The following BRCA1 variants were observed in gnomAD, a reference collection of about 807,000 sequenced individuals.
BRCA1 encodes the protein breast cancer type 1 susceptibility protein.
A neutral mutation model predicts 173.7 loss-of-function variants in BRCA1; 140 were observed. The observed-to-expected ratio is 0.81, with a 90% CI of 0.70 to 0.93. The LOEUF is 0.93. Ranked by LOEUF, BRCA1 falls within the 40% of genes least tolerant of loss-of-function variation. The pLI, the probability that BRCA1 is intolerant of heterozygous loss-of-function variation, is 0.00. For synonymous variants in BRCA1, 662 were observed against 756.0 expected, an observed-to-expected ratio of 0.88 and a Z score of 2.04; for missense variants, 1,983 against 2,172.5, an observed-to-expected ratio of 0.91 and a Z score of 1.73.
At chr17:43,049,533 C>G (rs1024328255) in intron 20 of BRCA1, among the ~76,000 whole-genome samples, 2 of 152,154 alleles carry the variant, frequency 1.3e-5, no homozygotes, top group African/African-American at 4.8e-5. Flanking sequence ...TGAAAAAACA[C>G]CCACCTTCCT....
At chr17:43,151,184 T>A (rs560685121) in intron 1 of BRCA1, among the ~76,000 whole-genome samples, 14 of 152,366 alleles carry the variant, frequency 9.2e-5, no homozygotes, top group African/African-American at 3.4e-4. Flanking sequence ...GGTATCTATT[T>A]ACATAGCCAA....
At chr17:43,111,858 A>G (rs2055051945) in intron 3 of BRCA1, among the ~76,000 whole-genome samples, 1 of 152,092 alleles carries the variant, frequency 6.6e-6, no homozygotes, top group South Asian at 2.1e-4. Flanking sequence ...ACAAACAAAC[A>G]AAAATAAAAA....
At chr17:43,100,641 TATA>T (rs2054387349) in intron 6 of BRCA1, among the ~76,000 whole-genome samples, 2 of 64,848 alleles carry the variant, frequency 3.1e-5, no homozygotes, top group African/African-American at 1.2e-4. Flanking sequence ...GTTATATATA[TATA>T]ACATATATAT....
intron 11 of BRCA1, among the ~76,000 whole-genome samples, chr17:43,086,105 T>TACACACACACACAC (rs1385920078): frequency 2.1e-5 from 2 of 94,110 alleles, no homozygotes; most frequent in African/African-American, 1.2e-4. Flanking sequence ...TTTTATCACA[T>TACACACACACACAC]ACATACACAC....
At position 43,092,723 on chromosome 17, in the gene BRCA1, A is replaced by C. The variant is rs730881485; in HGVS notation, c.2808T>G (p.Asp936Glu). The C allele has an allele frequency of 6.8e-6, 11 of 1,614,032 alleles. No individual in the cohort carries two copies. The highest frequency in any genetic ancestry group is 9.3e-6 in the Non-Finnish European group (11 of 1,180,022). ...TACATTTGGCATTATCAACTGGCTT[A>C]TCTTTCTGACCAACCACAGGAAAGC... ...TAGFPVVGQK[D>E]KPVDNAKCSI... The change falls in exon 10 of 23, where the codon GAT becomes GAG. Residue 936 changes from aspartate (D) to glutamate (E), a missense_variant. Transcript: ENST00000357654.
intron 6 of BRCA1, among the ~76,000 whole-genome samples, chr17:43,100,680 T>TATATATA (rs2054419480): frequency 3.6e-4 from 4 of 11,068 alleles, no homozygotes; most frequent in African/African-American, 6.9e-4. Flanking sequence ...ATATATATAA[T>TATATATA]ATATATATAT....
chr17:43,092,643 G>A lies in BRCA1; in HGVS notation c.2888C>T (p.Thr963Ile), dbSNP rs730881443. The A allele has an allele frequency of 1.2e-6, 2 of 1,614,098 alleles. No individual in the cohort carries two copies. Among genetic ancestry groups the A allele is most frequent in the Admixed American group, 1.7e-5 (1 of 60,008 alleles). ...CLSSQFRGNE[T>I]GLITPNKHGL... is the part of the protein sequence containing the mutation. The stretch of plus-strand genomic sequence containing the variant: ...ATGTTTATTTGGAGTAATGAGTCCA[G>A]TTTCGTTGCCTCTGAACTGAGATGA... The change falls in exon 10 of 23, where the codon ACT becomes ATT. Residue 963 changes from threonine to isoleucine, a missense_variant. Thr to Ile is a moderately conservative substitution (Grantham distance 89, BLOSUM62 -1). Transcript: ENST00000357654.
intron 19 of BRCA1, among the ~76,000 whole-genome samples, chr17:43,055,672 G>A (rs1287382022): frequency 1.3e-5 from 2 of 152,188 alleles, no homozygotes; most frequent in Admixed American, 1.3e-4. Flanking sequence ...TGTAATCCCA[G>A]CTATTTGGGA....
chr17:43,102,731 T>C (rs1354726460), intron 6 of BRCA1, among the ~76,000 whole-genome samples: 1 of 151,580 alleles, frequency 6.6e-6, no homozygotes, highest in Admixed American at 6.6e-5. Flanking sequence ...TAGCTCACTG[T>C]AGTCTACATC....
At position 43,097,255 on chromosome 17, in the gene BRCA1, T is replaced by C; in HGVS notation, c.582A>G (p.Ala194=). The change falls in exon 8 of 23, where the codon GCA becomes GCG. Residue 194 remains alanine (A), a synonymous_variant. Transcript: ENST00000357654. ...SDSSEDTVNK[A]TYCSVGDQEL... The stretch of plus-strand genomic sequence containing the variant: ...TCTCTTTGACTCACCTGCAATAAGT[T>C]GCCTTATTAACGGTATCTTCAGAAG... 1 of 1,613,808 alleles carries C rather than the reference T, an allele frequency of 6.2e-7. No individual in the cohort carries two copies. The highest frequency in any genetic ancestry group is 2.2e-5 in the East Asian group (1 of 44,840).
Position 43,125,216 on chromosome 17 carries a change from C to T in BRCA1, c.-20+55G>A, listed in dbSNP as rs772215665. 11 of 455,854 alleles carry T rather than the reference C, an allele frequency of 2.4e-5. No homozygotes were observed. Among genetic ancestry groups the T allele is most frequent in the Non-Finnish European group, 3.5e-5 (8 of 226,936 alleles). The allele number at this position is 455,854 out of a possible 1,614,324, so 28.2% of individuals were successfully genotyped here. On this transcript the variant is annotated intron_variant, in intron 1 of 22. Transcript: ENST00000357654. ...AGCTTCGGAAATCCACTCTCCCACG[C>T]CAGTACCCCAGAGCATCACTTGGGC...
At chr17:43,164,345 C>G (rs2056254241) in intron 1 of BRCA1, 1 of 152,150 alleles carries the variant, frequency 6.6e-6, no homozygotes, top group African/African-American at 2.4e-5. Flanking sequence ...CGAAATCTCC[C>G]TGGATTAAAT....
At chr17:43,083,311 A>G (rs2053101830) in intron 11 of BRCA1, among the ~76,000 whole-genome samples, 1 of 151,742 alleles carries the variant, frequency 6.6e-6, no homozygotes, top group Admixed American at 6.6e-5. Context: ...GCTTGCCAAG[A>G]CGCCCGGCTA....
At chr17:43,102,362 T>TC (rs1298905790) in intron 6 of BRCA1, among the ~76,000 whole-genome samples, 1 of 139,010 alleles carries the variant, frequency 7.2e-6, no homozygotes, top group East Asian at 2.1e-4. Flanking sequence ...TGAAGCTTTT[T>TC]TTTTTTTTTT....
chr17:43,092,747 G>C lies in BRCA1; in HGVS notation c.2784C>G (p.Gly928=), dbSNP rs2154359643. ...TATCTTTCTGACCAACCACAGGAAA[G>C]CCTGCAGTGATATTAACTGTCTGTA... ...KPVQTVNITA[G]FPVVGQKDKP... Residue 928 remains glycine (G), a synonymous_variant, in exon 10 of 23, where the codon GGC becomes GGG. Transcript: ENST00000357654. 1 of 1,614,094 alleles carries C rather than the reference G, an allele frequency of 6.2e-7. No individual in the cohort carries two copies. Among genetic ancestry groups the C allele is most frequent in the Non-Finnish European group, 8.5e-7 (1 of 1,179,992 alleles).
intron 2 of BRCA1, among the ~76,000 whole-genome samples, chr17:43,123,235 A>C (rs886235307): frequency 3.3e-5 from 5 of 151,454 alleles, no homozygotes; most frequent in Non-Finnish European, 5.9e-5. Context: ...TAAAAAAAAA[A>C]CCTCTGCATT....
intron 18 of BRCA1, among the ~76,000 whole-genome samples, chr17:43,061,535 TTTAA>T (rs1257677714): frequency 2.6e-5 from 4 of 152,012 alleles, no homozygotes; most frequent in African/African-American, 7.2e-5. Flanking sequence ...AAAATAATCA[TTTAA>T]TTAATTATGA....
chr17:43,129,631 G>A (rs369631555), upstream of BRCA1, among the ~76,000 whole-genome samples: 2 of 152,006 alleles, frequency 1.3e-5, no homozygotes, highest in Non-Finnish European at 2.9e-5. Context: ...CCGCCATCAC[G>A]CCCAGCTAAT....
At chr17:43,097,191 TTAAC>T (rs1468140125) in intron 8 of BRCA1, 49 bp downstream of exon 8, 1 of 1,521,368 alleles carries the variant, frequency 6.6e-7, no homozygotes, top group African/African-American at 1.4e-5. Flanking sequence ...ATCCTTAATA[TTAAC>T]TAAATAGGAA....
Sources: gnomAD v4.1 joint callset for allele counts (sites outside exome capture counted in the v4.1 genomes callset) on GRCh38, gnomAD v4.1.1 for gene constraint, MANE v1.5 for transcripts, NCBI Gene and HGNC (gene_info 2026-07-23, HGNC 2026-07-21) for gene names.